Variants in DENND1A observed in about 807,000 individuals in gnomAD.
The protein encoded by DENND1A is DENN domain-containing protein 1A.
A neutral mutation model predicts 113.7 loss-of-function variants in DENND1A; 51 were observed. That is an observed-to-expected ratio of 0.45 (90% CI 0.36 to 0.57). The LOEUF (loss-of-function observed/expected upper bound fraction) is 0.57, where lower values mean the gene tolerates loss of function less well. Ranked by LOEUF, DENND1A falls within the 20% of genes least tolerant of loss-of-function variation. DENND1A has a pLI of 0.00. For missense variants in DENND1A, 1,258 were observed against 1,395.9 expected, an observed-to-expected ratio of 0.90 and a Z score of 1.57; for synonymous variants, 565 against 570.8, an observed-to-expected ratio of 0.99 and a Z score of 0.14.
chr9:123,877,433 G>A (rs898552089), intron 2 of DENND1A, among the ~76,000 whole-genome samples: 7 of 152,040 alleles, frequency 4.6e-5, no homozygotes, highest in African/African-American at 1.5e-4. Flanking sequence ...AGGTTGCAGT[G>A]AGCCGAGATC....
At chr9:123,823,748 G>A (rs140791963) in intron 2 of DENND1A, among the ~76,000 whole-genome samples, 1 of 152,262 alleles carries the variant, frequency 6.6e-6, no homozygotes, top group East Asian at 1.9e-4. Context: ...TAGCGTGGGA[G>A]CAGAAGGAAG....
At chr9:123,570,178 T>A (rs1179349005) in intron 12 of DENND1A, among the ~76,000 whole-genome samples, 1 of 152,142 alleles carries the variant, frequency 6.6e-6, no homozygotes, top group Non-Finnish European at 1.5e-5. Flanking sequence ...CTCAATACAC[T>A]GAGCATACAC....
At chr9:123,672,484 C>T (rs2063813290) in intron 6 of DENND1A, among the ~76,000 whole-genome samples, 1 of 152,160 alleles carries the variant, frequency 6.6e-6, no homozygotes, top group Admixed American at 6.5e-5. Flanking sequence ...TCCACAGATA[C>T]AAACAAGGAC....
intron 2 of DENND1A, among the ~76,000 whole-genome samples, chr9:123,837,954 T>C (rs1472225517): frequency 6.6e-6 from 1 of 152,222 alleles, no homozygotes; most frequent in Non-Finnish European, 1.5e-5. Context: ...ATAATCCCAT[T>C]TTATAAATTA....
At chr9:123,730,645 T>C (rs1040525042) in intron 5 of DENND1A, among the ~76,000 whole-genome samples, 1 of 152,206 alleles carries the variant, frequency 6.6e-6, no homozygotes, top group Non-Finnish European at 1.5e-5. Flanking sequence ...GGAACGCTTT[T>C]ACTCTGTTGG....
chr9:123,796,249 A>G (rs969375078), intron 2 of DENND1A, among the ~76,000 whole-genome samples: 8 of 152,210 alleles, frequency 5.3e-5, no homozygotes, highest in Non-Finnish European at 1.0e-4. Flanking sequence ...GTCCCCACAG[A>G]AAAGTGTGTA....
At chr9:123,645,863 C>T (rs181571455) in intron 9 of DENND1A, among the ~76,000 whole-genome samples, 10 of 152,304 alleles carry the variant, frequency 6.6e-5, no homozygotes, top group Non-Finnish European at 1.3e-4. Context: ...TTCTAAATCA[C>T]GAATTCTTGG....
At chr9:123,857,596 T>C (rs1313699009) in intron 2 of DENND1A, among the ~76,000 whole-genome samples, 1 of 152,156 alleles carries the variant, frequency 6.6e-6, no homozygotes, top group Non-Finnish European at 1.5e-5. Flanking sequence ...TTATGTGATA[T>C]AACAAGAAAA....
intron 2 of DENND1A, among the ~76,000 whole-genome samples, chr9:123,871,794 A>G (rs1319486620): frequency 7.0e-6 from 1 of 143,040 alleles, no homozygotes; most frequent in Non-Finnish European, 1.5e-5. Context: ...GGGTTGGGGT[A>G]GGGGGATGTG....
At chr9:123,863,490 A>C (rs896138767) in intron 2 of DENND1A, among the ~76,000 whole-genome samples, 2 of 152,218 alleles carry the variant, frequency 1.3e-5, no homozygotes, top group African/African-American at 4.8e-5. Context: ...TTTGTCATAA[A>C]AGCTGCAGAG....
intron 13 of DENND1A, among the ~76,000 whole-genome samples, chr9:123,463,744 T>C (rs2048716154): frequency 6.6e-6 from 1 of 151,734 alleles, no homozygotes; most frequent in Non-Finnish European, 1.5e-5. Flanking sequence ...ACCCCATCTC[T>C]ACAAAAATAC....
At chr9:123,632,850 C>A (rs1182054183) in intron 9 of DENND1A, among the ~76,000 whole-genome samples, 2 of 152,074 alleles carry the variant, frequency 1.3e-5, no homozygotes, top group Non-Finnish European at 2.9e-5. Context: ...TGTGTAAGTA[C>A]TTCCTCTTCA....
chr9:123,721,676 A>G (rs979436258), intron 5 of DENND1A, among the ~76,000 whole-genome samples: 1 of 152,148 alleles, frequency 6.6e-6, no homozygotes, highest in Non-Finnish European at 1.5e-5. Context: ...GTCTCATGAG[A>G]TCTAATGGCT....
chr9:123,387,676 G>A, intron 22 of DENND1A, 54 bp downstream of exon 22: 10 of 1,283,094 alleles, frequency 7.8e-6, no homozygotes, highest in African/African-American at 1.5e-5. Flanking sequence ...TCGCCATGCA[G>A]CCCCGCAGAG....
At chr9:123,420,940 G>A (rs2045238559) in intron 19 of DENND1A, among the ~76,000 whole-genome samples, 1 of 151,578 alleles carries the variant, frequency 6.6e-6, no homozygotes, top group African/African-American at 2.4e-5. Flanking sequence ...AGTCTGAATA[G>A]GTGGCATCCC....
At chr9:123,866,996 G>A (rs1290156710) in intron 2 of DENND1A, among the ~76,000 whole-genome samples, 2 of 152,124 alleles carry the variant, frequency 1.3e-5, no homozygotes, top group African/African-American at 4.8e-5. Flanking sequence ...ATAAGGCTTC[G>A]TGATAGCAGA....
intron 7 of DENND1A, among the ~76,000 whole-genome samples, chr9:123,667,424 G>A (rs1367320730): frequency 2.0e-5 from 3 of 152,064 alleles, no homozygotes. Flanking sequence ...AGACCAGCCT[G>A]GCCAACATGG....
intron 5 of DENND1A, among the ~76,000 whole-genome samples, chr9:123,734,886 C>T (rs1037553451): frequency 6.6e-6 from 1 of 152,094 alleles, no homozygotes; most frequent in African/African-American, 2.4e-5. Flanking sequence ...CAAGTTGTCA[C>T]TAGGTAAAAC....
intron 10 of DENND1A, among the ~76,000 whole-genome samples, chr9:123,626,528 G>A (rs1292541495): frequency 6.6e-6 from 1 of 152,018 alleles, no homozygotes; most frequent in East Asian, 1.9e-4. Context: ...TTCCTTGGGT[G>A]TGTGTTTTGT....
Sources: gnomAD v4.1 joint callset for allele counts (sites outside exome capture counted in the v4.1 genomes callset) on GRCh38, gnomAD v4.1.1 for gene constraint, MANE v1.5 for transcripts, NCBI Gene and HGNC (gene_info 2026-07-23, HGNC 2026-07-21) for gene names.